The following SHANK2 variants were observed in gnomAD, a reference collection of about 807,000 sequenced individuals.
SHANK2 encodes the protein SH3 and multiple ankyrin repeat domains 2, also known as SH3 and multiple ankyrin repeat domains protein 2.
Under a neutral mutation model 133.7 loss-of-function variants are expected in SHANK2, and 43 were observed. That is an observed-to-expected ratio of 0.32 (90% CI 0.25 to 0.41). The LOEUF is 0.41. Among genes scored for constraint, SHANK2 ranks in the 10% least tolerant of loss-of-function variants. The pLI is 1.00. For synonymous variants in SHANK2, 1,017 were observed against 952.8 expected, an observed-to-expected ratio of 1.07 and a Z score of -1.24; for missense variants, 1,994 against 2,235.8, an observed-to-expected ratio of 0.89 and a Z score of 2.18.
chr11:70,724,468 T>C (rs1213293995), intron 14 of SHANK2, among the ~76,000 whole-genome samples: 2 of 152,238 alleles, frequency 1.3e-5, no homozygotes, highest in Non-Finnish European at 2.9e-5. Flanking sequence ...GCACTATTGC[T>C]GTCAGAGGAC....
At chr11:70,675,847 C>T (rs369036210) in intron 15 of SHANK2, among the ~76,000 whole-genome samples, 4 of 152,174 alleles carry the variant, frequency 2.6e-5, no homozygotes, top group African/African-American at 9.7e-5. Context: ...AGCAAGGCCC[C>T]ACACCTAAAA....
At chr11:71,167,515 A>G (rs12785493) in intron 2 of SHANK2, among the ~76,000 whole-genome samples, 9,039 of 78,846 alleles carry the variant, frequency 0.11, 185 homozygotes, top group African/African-American at 0.15. Context: ...CTCACCTCCC[A>G]GACAGGGCGG....
intron 2 of SHANK2, among the ~76,000 whole-genome samples, chr11:71,197,971 C>T (rs1406268053): frequency 2.6e-5 from 4 of 152,200 alleles, no homozygotes; most frequent in African/African-American, 9.7e-5. Context: ...CAGAGAAGTC[C>T]AAGTTCAAAC....
chr11:70,734,199 T>G (rs1386958012), intron 14 of SHANK2, among the ~76,000 whole-genome samples: 2 of 151,870 alleles, frequency 1.3e-5, no homozygotes, highest in African/African-American at 4.8e-5. Flanking sequence ...GGGGCAAGGG[T>G]GTGGAGGCCC....
At chr11:70,938,134 C>T (rs189155080) in intron 10 of SHANK2, among the ~76,000 whole-genome samples, 3 of 152,276 alleles carry the variant, frequency 2.0e-5, no homozygotes, top group East Asian at 1.9e-4. Context: ...AGGACAAATC[C>T]GATTGGCTCA....
intron 10 of SHANK2, among the ~76,000 whole-genome samples, chr11:70,932,012 A>G (rs1555082574): frequency 6.6e-6 from 1 of 152,218 alleles, no homozygotes; most frequent in East Asian, 1.9e-4. Flanking sequence ...CAATTTCCAT[A>G]AGCCCACTCT....
At chr11:70,652,403 T>G (rs2061348428) in intron 17 of SHANK2, among the ~76,000 whole-genome samples, 1 of 152,210 alleles carries the variant, frequency 6.6e-6, no homozygotes, top group Non-Finnish European at 1.5e-5. Flanking sequence ...GTAACAAACA[T>G]CAGTCATTAT....
intron 17 of SHANK2, among the ~76,000 whole-genome samples, chr11:70,625,887 G>C (rs1398535852): frequency 6.7e-6 from 1 of 150,072 alleles, no homozygotes; most frequent in African/African-American, 2.5e-5. Context: ...AAAAATGCAG[G>C]AAGAGAAGTT....
intron 10 of SHANK2, among the ~76,000 whole-genome samples, chr11:70,940,998 G>A (rs1950639177): frequency 6.6e-6 from 1 of 152,186 alleles, no homozygotes; most frequent in Non-Finnish European, 1.5e-5. Flanking sequence ...TTTCTGGTGG[G>A]AGACAAAGAT....
At chr11:70,753,278 G>A (rs1185467015) in intron 14 of SHANK2, among the ~76,000 whole-genome samples, 1 of 150,224 alleles carries the variant, frequency 6.7e-6, no homozygotes, top group Admixed American at 6.6e-5. Context: ...CAACAACAGA[G>A]GACAAGTCAG....
chr11:70,552,127 T>A (rs116896005), intron 17 of SHANK2, among the ~76,000 whole-genome samples: 111 of 152,316 alleles, frequency 7.3e-4, no homozygotes, highest in South Asian at 1.7e-3. Context: ...GAGGGCTGCA[T>A]GGAGGAGGAG....
In SHANK2 at chr11:70,599,601, G is replaced by A. The variant is rs868939860; in HGVS notation, c.2061+60227C>T. ...CCAGCCTGGGCGACAGCGAGACTCC[G>A]TCTCAAAAAAAAAAAAAAAAAAAAA... On this transcript the variant is annotated intron_variant, in intron 17 of 25. Coordinates refer to ENST00000601538, the MANE Select transcript of SHANK2 (RefSeq NM_012309.5). 8.1e-3 allele frequency among the ~76,000 whole-genome samples: 313 copies of A among 38,576 alleles called. 16 individuals are homozygous for A. The highest frequency in any genetic ancestry group is 0.039 in the African/African-American group (286 of 7,330). 25.3% of individuals were successfully genotyped at this position (38,576 alleles called of 152,430 possible).
intron 17 of SHANK2, among the ~76,000 whole-genome samples, chr11:70,507,983 C>A (rs1554968692): frequency 1.3e-5 from 2 of 152,258 alleles, no homozygotes; most frequent in Non-Finnish European, 2.9e-5. Flanking sequence ...GTAACTCCTG[C>A]AACGCACATT....
intron 14 of SHANK2, among the ~76,000 whole-genome samples, chr11:70,797,377 G>A (rs182047012): frequency 2.5e-4 from 38 of 152,232 alleles, no homozygotes; most frequent in Admixed American, 4.6e-4. Flanking sequence ...CCACAATACC[G>A]TCTGGTGTCT....
At chr11:70,886,279 T>G (rs1291474689) in intron 11 of SHANK2, among the ~76,000 whole-genome samples, 3 of 152,208 alleles carry the variant, frequency 2.0e-5, no homozygotes, top group Admixed American at 6.5e-5. Flanking sequence ...CAATTTGTTT[T>G]GAAAATATTC....
chr11:71,140,263 G>A (rs1282866283), intron 3 of SHANK2, among the ~76,000 whole-genome samples: 6 of 152,222 alleles, frequency 3.9e-5, no homozygotes, highest in African/African-American at 1.4e-4. Context: ...AGGCTCCCAC[G>A]AGTAGAGACT....
At chr11:71,107,576 G>T (rs1951820434) in intron 6 of SHANK2, among the ~76,000 whole-genome samples, 1 of 152,182 alleles carries the variant, frequency 6.6e-6, no homozygotes, top group Admixed American at 6.5e-5. Context: ...GGGGAAAGTG[G>T]TCAGGTCTTT....
chr11:70,557,390 T>G (rs1348262819), intron 17 of SHANK2, among the ~76,000 whole-genome samples: 1 of 151,962 alleles, frequency 6.6e-6, no homozygotes, highest in Non-Finnish European at 1.5e-5. Context: ...AACCACCACC[T>G]CCTCCTAAGA....
chr11:70,867,500 G>A (rs1949385430), intron 11 of SHANK2, among the ~76,000 whole-genome samples: 1 of 152,224 alleles, frequency 6.6e-6, no homozygotes, highest in Non-Finnish European at 1.5e-5. Context: ...GGGTGGGGCA[G>A]GACGGGCCAA....
Sources: gnomAD v4.1 joint callset for allele counts (sites outside exome capture counted in the v4.1 genomes callset) on GRCh38, gnomAD v4.1.1 for gene constraint, MANE v1.5 for transcripts, NCBI Gene and HGNC (gene_info 2026-07-23, HGNC 2026-07-21) for gene names.